Variants in RFX2 observed in about 807,000 individuals in gnomAD.
The protein encoded by RFX2 is regulatory factor X2.
RFX2 carries 20 observed loss-of-function variants against 87.8 expected under a neutral mutation model. The observed-to-expected ratio is 0.23, with a 90% CI of 0.16 to 0.33. The LOEUF (loss-of-function observed/expected upper bound fraction) is 0.33, where lower values mean the gene tolerates loss of function less well. RFX2 is among the 10% of genes least tolerant of loss of function. The pLI, the probability that RFX2 is intolerant of heterozygous loss-of-function variation, is 1.00. For synonymous variants in RFX2, 397 were observed against 431.3 expected, an observed-to-expected ratio of 0.92 and a Z score of 0.98; for missense variants, 767 against 1,012.3, an observed-to-expected ratio of 0.76 and a Z score of 3.29.
chr19:6,035,404 G>GA (rs1056511878), intron 5 of RFX2, among the ~76,000 whole-genome samples: 10 of 152,054 alleles, frequency 6.6e-5, no homozygotes, highest in East Asian at 1.9e-4. Flanking sequence ...TCCACGCAGT[G>GA]AAAAAAAGCA....
At chr19:6,108,424 C>G (rs1317118570) in intron 1 of RFX2, among the ~76,000 whole-genome samples, 1 of 151,936 alleles carries the variant, frequency 6.6e-6, no homozygotes, top group African/African-American at 2.4e-5. Context: ...TTTCAGGGCA[C>G]GATGTAAAAA....
Position 6,017,442 on chromosome 19 carries a change from C to T in RFX2, c.598-1171G>A, listed in dbSNP as rs1490260057. Among the ~76,000 whole-genome samples the T allele has an allele frequency of 6.6e-6, 1 of 152,212 alleles. No individual in the cohort carries two copies. Among genetic ancestry groups the T allele is most frequent in the Middle Eastern group, 3.2e-3 (1 of 316 alleles). ...AAAGACTGCGGCTTAATTCTGGTTT[C>T]CACCTCTCCCTCTGCTATCGTCTGT... On this transcript the variant is annotated intron_variant, in intron 6 of 17. Coordinates refer to ENST00000303657, the MANE Select transcript of RFX2 (RefSeq NM_000635.4). This position sits in a 1 kb window ranked among gnomAD's most constrained non-coding sequence, Gnocchi z 4.1.
intron 9 of RFX2, among the ~76,000 whole-genome samples, chr19:6,009,564 T>C (rs1226311994): frequency 2.0e-5 from 3 of 151,938 alleles, no homozygotes; most frequent in Non-Finnish European, 4.4e-5. Flanking sequence ...GTAGAGAATA[T>C]CTAGCGTTCT....
intron 1 of RFX2, among the ~76,000 whole-genome samples, chr19:6,089,321 G>A (rs373211740): frequency 1.9e-4 from 29 of 152,302 alleles, no homozygotes; most frequent in South Asian, 1.9e-3. Context: ...TCTCAGTGGC[G>A]GAGGATGTGG....
Position 6,002,896 on chromosome 19 carries a change from A to G in RFX2, c.1501-26T>C. 1 of 1,586,350 alleles carries G rather than the reference A, an allele frequency of 6.3e-7. No individual in the cohort carries two copies. The highest frequency in any genetic ancestry group is 8.5e-7 in the Non-Finnish European group (1 of 1,170,680). ...CTGTAAGCCAGGGCTCGTGGTGAGC[A>G]GGGGTTCGCAGGGAGAGCCTGTTCC... is the stretch of plus-strand genomic sequence containing the variant. On this transcript the variant is annotated intron_variant, in intron 13 of 17. Transcript: ENST00000303657. This position sits in a 1 kb window ranked among gnomAD's most constrained non-coding sequence, Gnocchi z 6.7.
At chr19:6,046,952 G>C (rs1023534782) in intron 2 of RFX2, among the ~76,000 whole-genome samples, 1 of 147,660 alleles carries the variant, frequency 6.8e-6, no homozygotes, top group Non-Finnish European at 1.5e-5. Flanking sequence ...TTTTTTTAGA[G>C]AAAGGGTCTG....
chr19:6,036,414 GA>G (rs2087024304), intron 5 of RFX2, among the ~76,000 whole-genome samples: 1 of 152,112 alleles, frequency 6.6e-6, no homozygotes, highest in Non-Finnish European at 1.5e-5. Flanking sequence ...GGTCACTCTG[GA>G]CAAAGGAAGA....
At chr19:6,014,562 T>C (rs933717978) in intron 7 of RFX2, among the ~76,000 whole-genome samples, 4 of 152,134 alleles carry the variant, frequency 2.6e-5, no homozygotes, top group African/African-American at 7.2e-5. Flanking sequence ...TTAAATTTCA[T>C]TGCAATAGCA....
In RFX2 at chr19:5,998,857, C is replaced by G. The variant is rs1412682059; in HGVS notation, c.1860-1644G>C. ...AGGCCCAGCCAGAGCTTGGGGATGA[C>G]CAGCCAAGGCCTCAGTCCACATGCT... On this transcript the variant is annotated intron_variant, in intron 15 of 17. Coordinates refer to ENST00000303657, the MANE Select transcript of RFX2 (RefSeq NM_000635.4). The surrounding 1 kb of genome is among the most constrained non-coding windows in gnomAD (Gnocchi z 4.2). Among the ~76,000 whole-genome samples the G allele has an allele frequency of 6.6e-6, 1 of 152,234 alleles. No homozygotes were observed. Among genetic ancestry groups the G allele is most frequent in the African/African-American group, 2.4e-5 (1 of 41,460 alleles).
At chr19:6,072,843 C>T (rs1390396623) in intron 1 of RFX2, 27 of 1,291,084 alleles carry the variant, frequency 2.1e-5, no homozygotes, top group African/African-American at 4.4e-5. Flanking sequence ...TCAGACCCCT[C>T]GTGAAGCCCA....
Position 6,040,115 on chromosome 19 carries a change from G to A in RFX2, c.387C>T (p.Ser129=), listed in dbSNP as rs2144762987. ...CCATGGTGATGCCCACCATGCTGTG[G>A]GAGGGGACCGCTGGCGGGGACGAGG... ...VAASSPPAVP[S]HSMVGITMDV... The change falls in exon 5 of 18, where the codon TCC becomes TCT. Residue 129 remains serine, a synonymous_variant. Coordinates refer to ENST00000303657, the MANE Select transcript of RFX2 (RefSeq NM_000635.4). The surrounding 1 kb of genome is among the most constrained non-coding windows in gnomAD (Gnocchi z 6.1). 1 of 1,611,282 alleles carries A rather than the reference G, an allele frequency of 6.2e-7. No homozygotes were observed. Among genetic ancestry groups the A allele is most frequent in the South Asian group, 1.1e-5 (1 of 91,042 alleles).
rs368690545 is a variant in RFX2, at chr19:5,994,608, C to T, written c.*227G>A. 1 of 566,970 alleles carries T rather than the reference C, an allele frequency of 1.8e-6. No homozygotes were observed. The highest frequency in any genetic ancestry group is 3.2e-6 in the Non-Finnish European group (1 of 315,950). The allele number at this position is 566,970 out of a possible 1,614,324, so 35.1% of individuals were successfully genotyped here. ...GGGGCCCTGGTGGCTGCGCAGGGACCTGGGGACCCAGAGCACAGCTACAGC... is the reference window on the plus strand; with the variant it reads ...GGGGCCCTGGTGGCTGCGCAGGGACTTGGGGACCCAGAGCACAGCTACAGC... On this transcript the variant is annotated 3_prime_UTR_variant, in exon 18 of 18. Coordinates refer to ENST00000303657, the MANE Select transcript of RFX2 (RefSeq NM_000635.4).
At position 6,056,432 on chromosome 19, in the gene RFX2, G is replaced by C. The variant is rs2087342739; in HGVS notation, c.-8-8928C>G. 6.6e-6 allele frequency among the ~76,000 whole-genome samples: 1 copy of C among 152,202 alleles called. No individual in the cohort carries two copies. Among genetic ancestry groups the C allele is most frequent in the African/African-American group, 2.4e-5 (1 of 41,458 alleles). On this transcript the variant is annotated intron_variant, in intron 1 of 17. Transcript: ENST00000303657. The surrounding 1 kb of genome is among the most constrained non-coding windows in gnomAD (Gnocchi z 4.6). ...CTCATGATCCTGGCGGTGCTTCCAGGTAAGCGCAGTAGCTCACATGGTCCT... is the reference window on the plus strand; with the variant it reads ...CTCATGATCCTGGCGGTGCTTCCAGCTAAGCGCAGTAGCTCACATGGTCCT...
intron 1 of RFX2, among the ~76,000 whole-genome samples, chr19:6,072,647 G>A (rs1387761845): frequency 6.6e-6 from 1 of 152,172 alleles, no homozygotes; most frequent in Non-Finnish European, 1.5e-5. Context: ...GGAGGATGCA[G>A]TGAGCAATGA....
chr19:5,996,767 C>T (rs776810641), intron 16 of RFX2, among the ~76,000 whole-genome samples: 2 of 152,246 alleles, frequency 1.3e-5, no homozygotes, highest in Non-Finnish European at 2.9e-5. Flanking sequence ...GCGGGACGCC[C>T]AAGGACAACC....
In RFX2 at chr19:6,039,079, A is replaced by G. The variant is rs1017018675; in HGVS notation, c.522+901T>C. Among the ~76,000 whole-genome samples the G allele has an allele frequency of 6.6e-6, 1 of 152,242 alleles. No individual in the cohort carries two copies. The highest frequency in any genetic ancestry group is 1.9e-4 in the East Asian group (1 of 5,204). ...ACTGGAAACCATCCAAATGGCCCTC[A>G]ACTAGTGAATGAATAAACAAACTGT... On this transcript the variant is annotated intron_variant, in intron 5 of 17. Coordinates refer to ENST00000303657, the MANE Select transcript of RFX2 (RefSeq NM_000635.4). The surrounding 1 kb of genome is among the most constrained non-coding windows in gnomAD (Gnocchi z 5.2).
Position 6,007,609 on chromosome 19 carries a change from T to A in RFX2, c.1247+81A>T. 1.3e-6 allele frequency: 1 copy of A among 796,580 alleles called. No homozygotes were observed. The highest frequency in any genetic ancestry group is 2.7e-5 in the East Asian group (1 of 37,276). 49.3% of individuals were successfully genotyped at this position (796,580 alleles called of 1,614,324 possible). The stretch of plus-strand genomic sequence containing the variant: ...CCCTGATTCTTGGAGAGCTGAGGCT[T>A]TCGTTTGTGGGTTACCTGTGGACGT... On this transcript the variant is annotated intron_variant, in intron 11 of 17. Coordinates refer to ENST00000303657, the MANE Select transcript of RFX2 (RefSeq NM_000635.4). The surrounding 1 kb of genome is among the most constrained non-coding windows in gnomAD (Gnocchi z 8.2).
At chr19:6,060,799 G>T (rs999126129) in intron 1 of RFX2, among the ~76,000 whole-genome samples, 5 of 151,860 alleles carry the variant, frequency 3.3e-5, no homozygotes, top group Non-Finnish European at 5.9e-5. Context: ...CCCCTGCACT[G>T]GTCCCTGCTT....
Position 6,002,323 on chromosome 19 carries a change from C to T in RFX2, c.1651-300G>A, listed in dbSNP as rs78722830. ...GGTCACTTCTAAATGTATGTGTGTG[C>T]GTTTATTTATTTAATGGATAGACGC... is the stretch of plus-strand genomic sequence containing the variant. On this transcript the variant is annotated intron_variant, in intron 14 of 17. Transcript: ENST00000303657. This position sits in a 1 kb window ranked among gnomAD's most constrained non-coding sequence, Gnocchi z 6.7. 1.5e-3 allele frequency among the ~76,000 whole-genome samples: 222 copies of T among 152,316 alleles called. 1 individual carries two copies. Among genetic ancestry groups the T allele is most frequent in the African/African-American group, 5.0e-3 (209 of 41,576 alleles).
Sources: gnomAD v4.1 joint callset for allele counts (sites outside exome capture counted in the v4.1 genomes callset) on GRCh38, gnomAD v4.1.1 for gene constraint, Gnocchi (gnomAD v3.1) non-coding constraint, MANE v1.5 for transcripts, NCBI Gene and HGNC (gene_info 2026-07-23, HGNC 2026-07-21) for gene names.